GREM2: variants seen among roughly 807,000 people sequenced by gnomAD.
GREM2 encodes the protein gremlin-2.
A neutral mutation model predicts 14.2 loss-of-function variants in GREM2; 11 were observed. That is an observed-to-expected ratio of 0.78 (90% confidence interval 0.49 to 1.28). The LOEUF is 1.28. GREM2 is among the 50% of genes most tolerant of loss of function. GREM2 has a pLI of 0.00. For synonymous variants in GREM2, 98 were observed against 97.6 expected (o/e 1.00, Z -0.02); for missense variants, 210 against 218.5 (o/e 0.96, Z 0.24).
At chr1:240,505,932 G>C (rs1677667510) in intron 1 of GREM2, among the ~76,000 whole-genome samples, 1 of 151,738 alleles carries the variant, frequency 6.6e-6, no homozygotes, top group Non-Finnish European at 1.5e-5. Flanking sequence ...AAATAGCAAT[G>C]GTATTTATAT....
intron 1 of GREM2, among the ~76,000 whole-genome samples, chr1:240,505,919 A>T (rs1677667138): frequency 6.6e-6 from 1 of 152,140 alleles, no homozygotes; most frequent in South Asian, 2.1e-4. Context: ...AATAGTGGGT[A>T]TAAAATAGCA....
chr1:240,492,648 T>G lies in GREM2; in HGVS notation c.*321A>C. ...ACATGGTGGAAACATCAATGCCGGA[T>G]TTACAGTGCATCACCTCGAAAGGTC... On this transcript the variant is annotated 3_prime_UTR_variant, in exon 2 of 2. Transcript: ENST00000318160. 1 of 195,014 alleles carries G rather than the reference T, an allele frequency of 5.1e-6. No homozygotes were observed. Among genetic ancestry groups the G allele is most frequent in the Non-Finnish European group, 1.0e-5 (1 of 96,454 alleles). The allele number at this position is 195,014 out of a possible 1,614,324, so 12.1% of individuals were successfully genotyped here.
At chr1:240,508,221 A>G (rs1419601771) in intron 1 of GREM2, among the ~76,000 whole-genome samples, 3 of 152,224 alleles carry the variant, frequency 2.0e-5, no homozygotes, top group Admixed American at 1.3e-4. Flanking sequence ...TCCTGGACAC[A>G]TAGTAGATGA....
In GREM2 at chr1:240,534,581, A is replaced by G. The variant is rs540843396; in HGVS notation, c.-1-41105T>C. ...GTGGCGGGCGCCTGTAGTCCCAGCT[A>G]CTCCGGGAGGCTGAGGCAGGAGAAT... On this transcript the variant is annotated intron_variant, in intron 1 of 1. Transcript: ENST00000318160. Among the ~76,000 whole-genome samples, 4 of 151,774 alleles carry G rather than the reference A, an allele frequency of 2.6e-5. No homozygotes were observed. In the East Asian group the frequency reaches 7.8e-4, roughly 30 times the overall value.
intron 1 of GREM2, among the ~76,000 whole-genome samples, chr1:240,534,778 G>C (rs1016739665): frequency 1.8e-4 from 28 of 152,134 alleles, no homozygotes; most frequent in African/African-American, 6.8e-4. Flanking sequence ...TAGTTAGGAG[G>C]CTACTGCAAT....
intron 1 of GREM2, among the ~76,000 whole-genome samples, chr1:240,599,166 G>A (rs542645582): frequency 2.0e-5 from 3 of 152,020 alleles, no homozygotes; most frequent in South Asian, 2.1e-4. Context: ...TACTTGGGAG[G>A]CTGAGGCAGG....
intron 1 of GREM2, among the ~76,000 whole-genome samples, chr1:240,500,654 A>G (rs978079235): frequency 2.6e-5 from 4 of 152,140 alleles, no homozygotes; most frequent in African/African-American, 9.7e-5. Context: ...TTTTTCCCCA[A>G]GAGATATGTG....
intron 1 of GREM2, among the ~76,000 whole-genome samples, chr1:240,523,244 C>T (rs555040779): frequency 2.6e-5 from 4 of 152,300 alleles, no homozygotes; most frequent in African/African-American, 7.2e-5. Context: ...AGGCATGTGT[C>T]ACCAGGCCTG....
At chr1:240,579,644 A>G (rs994329014) in intron 1 of GREM2, among the ~76,000 whole-genome samples, 1 of 152,182 alleles carries the variant, frequency 6.6e-6, no homozygotes, top group East Asian at 1.9e-4. Flanking sequence ...ATCTCTCTAC[A>G]TGAGTAACTA....
rs75491244 is a variant in GREM2 at position 240,528,914 on chromosome 1, C to T, written c.-1-35438G>A. ...GGTTTTCCATCTCTGTCTCCTACAT[C>T]CCCGAGAAAGGGCTCTCAGGGCTTT... On this transcript the variant is annotated intron_variant, in intron 1 of 1. Transcript: ENST00000318160. Among the ~76,000 whole-genome samples, 18 of 152,282 alleles carry T rather than the reference C, an allele frequency of 1.2e-4. No individual in the cohort carries two copies. In the East Asian group the frequency reaches 3.5e-3, roughly 29 times the overall value.
At chr1:240,593,549 G>A (rs1934342) in intron 1 of GREM2, among the ~76,000 whole-genome samples, 32,789 of 152,116 alleles carry the variant, frequency 0.22, 4,397 homozygotes, top group South Asian at 0.31. Context: ...AAATGAGATC[G>A]TGAACAAAAG....
chr1:240,550,844 A>G (rs1420340222), intron 1 of GREM2, among the ~76,000 whole-genome samples: 1 of 152,204 alleles, frequency 6.6e-6, no homozygotes, highest in Non-Finnish European at 1.5e-5. Context: ...GACATATCCA[A>G]TCAAATGGAC....
chr1:240,589,431 A>G (rs6675302), intron 1 of GREM2, among the ~76,000 whole-genome samples: 32,492 of 151,022 alleles, frequency 0.22, 8,508 homozygotes, highest in African/African-American at 0.63. Context: ...GCGAAACTCC[A>G]TCTCAGAAAA....
In GREM2 at chr1:240,492,300, T is replaced by C; in HGVS notation, c.*669A>G. The C allele has an allele frequency of 2.4e-6, 1 of 423,822 alleles. No individual in the cohort carries two copies. Among genetic ancestry groups the C allele is most frequent in the South Asian group, 1.7e-5 (1 of 60,378 alleles). The allele number at this position is 423,822 out of a possible 1,614,324, so 26.3% of individuals were successfully genotyped here. On this transcript the variant is annotated 3_prime_UTR_variant, in exon 2 of 2. Coordinates refer to ENST00000318160, the MANE Select transcript of GREM2 (RefSeq NM_022469.4). Reference sequence around the variant, plus strand: ...AGAAGAGGCGGTGGGGACTTGAGGATGGGGGATTGTGTAGCCTGCTCTGCT... The same window carrying C: ...AGAAGAGGCGGTGGGGACTTGAGGACGGGGGATTGTGTAGCCTGCTCTGCT...
At chr1:240,574,540 CAGAAAAGAAG>C (rs1679322734) in intron 1 of GREM2, among the ~76,000 whole-genome samples, 1 of 151,980 alleles carries the variant, frequency 6.6e-6, no homozygotes, top group South Asian at 2.1e-4. Flanking sequence ...GAAATGTTTG[CAGAAAAGAAG>C]AGGAATATCA....
At chr1:240,498,296 G>A (rs761003434) in intron 1 of GREM2, among the ~76,000 whole-genome samples, 8 of 152,194 alleles carry the variant, frequency 5.3e-5, no homozygotes, top group Non-Finnish European at 1.0e-4. Context: ...AAAAGTGGTT[G>A]AGGAAATCTC....
At chr1:240,502,336 G>T (rs1169501649) in intron 1 of GREM2, among the ~76,000 whole-genome samples, 1 of 152,098 alleles carries the variant, frequency 6.6e-6, no homozygotes, top group African/African-American at 2.4e-5. Flanking sequence ...AACTATCACT[G>T]TAACCCCTTT....
intron 1 of GREM2, among the ~76,000 whole-genome samples, chr1:240,559,165 C>A (rs1431414760): frequency 6.6e-6 from 1 of 152,100 alleles, no homozygotes; most frequent in African/African-American, 2.4e-5. Flanking sequence ...AACTCTGTTA[C>A]ATTGAAATTC....
At chr1:240,534,888 G>A (rs981926792) in intron 1 of GREM2, among the ~76,000 whole-genome samples, 7 of 152,010 alleles carry the variant, frequency 4.6e-5, no homozygotes, top group African/African-American at 7.2e-5. Flanking sequence ...TTTGGGTTTC[G>A]AAAATTTGGT....
Sources: allele counts gnomAD v4.1 joint callset (sites outside exome capture counted in the v4.1 genomes callset), GRCh38; gene constraint gnomAD v4.1.1; transcripts MANE v1.5; gene names NCBI Gene and HGNC (gene_info 2026-07-23, HGNC 2026-07-21).